Variants in CADPS2 observed in about 807,000 individuals in gnomAD.
The protein encoded by CADPS2 is calcium dependent secretion activator 2, also known as calcium-dependent secretion activator 2.
A neutral mutation model predicts 172.5 loss-of-function variants in CADPS2; 93 were observed. That is an observed-to-expected ratio of 0.54 (90% confidence interval 0.46 to 0.64). The LOEUF (loss-of-function observed/expected upper bound fraction) is 0.64, where lower values mean the gene tolerates loss of function less well. CADPS2 is among the 30% of genes least tolerant of loss of function. The pLI is 0.00. For synonymous variants in CADPS2, 546 were observed against 555.2 expected, an observed-to-expected ratio of 0.98 and a Z score of 0.23; for missense variants, 1,420 against 1,565.9, an observed-to-expected ratio of 0.91 and a Z score of 1.57.
intron 8 of CADPS2, 45 bp downstream of exon 8, chr7:122,554,505 T>C: frequency 1.3e-6 from 2 of 1,533,288 alleles, no homozygotes; most frequent in Non-Finnish European, 1.8e-6. Context: ...TACACTGAAA[T>C]GAAATTCAAT....
At position 122,666,346 on chromosome 7, in the gene CADPS2, C is replaced by CTTTT. The variant is rs35558114; in HGVS notation, c.454-2781_454-2778dup. 8.2e-3 allele frequency among the ~76,000 whole-genome samples: 1,090 copies of CTTTT among 133,478 alleles called. 30 individuals are homozygous for CTTTT. The highest frequency in any genetic ancestry group is 0.025 in the African/African-American group (886 of 35,388). The allele number at this position is 133,478 out of a possible 152,430, so 87.6% of individuals were successfully genotyped here. A position where few individuals can be genotyped will look rare whatever the true frequency, so the allele number is the denominator to read the frequency against. On this transcript the variant is annotated intron_variant, in intron 2 of 29. Coordinates refer to ENST00000449022, the MANE Select transcript of CADPS2 (RefSeq NM_017954.11). ...ATTGCCCTACCTGTGTCTGCTAACA[C>CTTTT]TTTTTTTTTTTTTTTGAGATGGAGT...
At chr7:122,702,011 C>T in intron 2 of CADPS2, 1 of 1,613,674 alleles carries the variant, frequency 6.2e-7, no homozygotes, top group Non-Finnish European at 8.5e-7. Context: ...TTCCTCATCC[C>T]CTTCTTTGAG....
chr7:122,792,446 A>C (rs1164340140), intron 1 of CADPS2, among the ~76,000 whole-genome samples: 1 of 152,114 alleles, frequency 6.6e-6, no homozygotes, highest in Non-Finnish European at 1.5e-5. Flanking sequence ...GCCTCACGAG[A>C]GGTGAAATCT....
At chr7:122,386,056 CA>C (rs1321364927) in intron 24 of CADPS2, among the ~76,000 whole-genome samples, 8 of 151,882 alleles carry the variant, frequency 5.3e-5, no homozygotes, top group Non-Finnish European at 1.0e-4. Flanking sequence ...TGCAGACTAA[CA>C]GGGGAGAAAC....
chr7:122,724,506 G>C (rs895922919), intron 2 of CADPS2, among the ~76,000 whole-genome samples: 1 of 152,040 alleles, frequency 6.6e-6, no homozygotes, highest in African/African-American at 2.4e-5. Context: ...TGTGGGAAAG[G>C]AATGCTGTAG....
intron 8 of CADPS2, among the ~76,000 whole-genome samples, chr7:122,547,444 G>A (rs1321650699): frequency 6.6e-6 from 1 of 152,110 alleles, no homozygotes; most frequent in Non-Finnish European, 1.5e-5. Flanking sequence ...ATAATTTGAA[G>A]TTAATATCCA....
chr7:122,477,042 G>GAGAGAAA (rs1463578031), intron 12 of CADPS2, among the ~76,000 whole-genome samples: 1 of 23,386 alleles, frequency 4.3e-5, no homozygotes, highest in Admixed American at 5.3e-4. Context: ...GGAGAGGAGA[G>GAGAGAAA]GAGAGAGAGA....
At chr7:122,811,445 G>A (rs531183226) in intron 1 of CADPS2, among the ~76,000 whole-genome samples, 72 of 152,238 alleles carry the variant, frequency 4.7e-4, no homozygotes, top group African/African-American at 1.6e-3. Flanking sequence ...GCTGCTTCTA[G>A]TAAATTGAAT....
intron 17 of CADPS2, among the ~76,000 whole-genome samples, chr7:122,422,251 G>C (rs2048607926): frequency 6.6e-6 from 1 of 152,182 alleles, no homozygotes; most frequent in South Asian, 2.1e-4. Flanking sequence ...TCTCTGAAGT[G>C]AGGCCCAAAC....
chr7:122,804,864 T>C (rs1343293373), intron 1 of CADPS2, among the ~76,000 whole-genome samples: 1 of 152,216 alleles, frequency 6.6e-6, no homozygotes, highest in Non-Finnish European at 1.5e-5. Context: ...CTATTTCTAA[T>C]ACCATATACT....
intron 1 of CADPS2, among the ~76,000 whole-genome samples, chr7:122,854,224 G>A (rs1814538374): frequency 6.6e-6 from 1 of 152,044 alleles, no homozygotes; most frequent in South Asian, 2.1e-4. Context: ...GCCAAGAGTG[G>A]TGGGTGACTC....
intron 9 of CADPS2, among the ~76,000 whole-genome samples, chr7:122,511,561 G>A (rs1250992394): frequency 6.6e-6 from 1 of 152,080 alleles, no homozygotes; most frequent in African/African-American, 2.4e-5. Context: ...ACATTCCCAC[G>A]TTCTTTCATG....
intron 8 of CADPS2, among the ~76,000 whole-genome samples, chr7:122,534,939 A>C (rs553526109): frequency 6.6e-6 from 1 of 152,202 alleles, no homozygotes; most frequent in South Asian, 2.1e-4. Flanking sequence ...TATAAACCAA[A>C]AAATAAAAAA....
chr7:122,714,933 T>G (rs2089368430), intron 2 of CADPS2, among the ~76,000 whole-genome samples: 1 of 152,036 alleles, frequency 6.6e-6, no homozygotes. Context: ...GGAGATCAAG[T>G]GTGTAATTGG....
rs374955906 is a variant in CADPS2, at chr7:122,663,342, A to G, written c.681T>C (p.Ser227=). Residue 227 remains serine, a synonymous_variant, in exon 3 of 30, where the codon AGT becomes AGC. Transcript: ENST00000449022. ...LCKQPNRMAL[S]AVSELILSKE... ...TGCTCAGAATAAGTTCAGACACTGC[A>G]CTTAGGGCCATTCTATTTGGCTGTT... The G allele has an allele frequency of 6.2e-7, 1 of 1,613,904 alleles. No homozygotes were observed. The highest frequency in any genetic ancestry group is 8.5e-7 in the Non-Finnish European group (1 of 1,179,868).
chr7:122,338,373 TAC>T (rs2036225548), intron 28 of CADPS2, among the ~76,000 whole-genome samples: 1 of 152,148 alleles, frequency 6.6e-6, no homozygotes, highest in African/African-American at 2.4e-5. Context: ...TAGCTTGGGC[TAC>T]AGAGTGAGAC....
At chr7:122,334,270 C>G (rs1442359788) in intron 28 of CADPS2, among the ~76,000 whole-genome samples, 1 of 152,096 alleles carries the variant, frequency 6.6e-6, no homozygotes, top group African/African-American at 2.4e-5. Flanking sequence ...TGTACTCAGC[C>G]CTCCAGAGGC....
intron 2 of CADPS2, among the ~76,000 whole-genome samples, chr7:122,709,779 T>A (rs1472140318): frequency 6.6e-6 from 1 of 151,786 alleles, no homozygotes; most frequent in Admixed American, 6.6e-5. Flanking sequence ...AAATTGGAAA[T>A]CATCATTCTC....
At chr7:122,485,873 C>A (rs1010096649) in intron 11 of CADPS2, among the ~76,000 whole-genome samples, 26 of 152,272 alleles carry the variant, frequency 1.7e-4, no homozygotes, top group African/African-American at 5.3e-4. Flanking sequence ...TGTTTATTAA[C>A]CATTTTGAAA....
Sources: allele counts gnomAD v4.1 joint callset (sites outside exome capture counted in the v4.1 genomes callset), GRCh38; gene constraint gnomAD v4.1.1; transcripts MANE v1.5; gene names NCBI Gene and HGNC (gene_info 2026-07-23, HGNC 2026-07-21).